Variants in SLC10A7 observed in about 807,000 individuals in gnomAD.
The protein encoded by SLC10A7 is solute carrier family 10 member 7.
Under a neutral mutation model 43.2 loss-of-function variants are expected in SLC10A7, and 29 were observed. That is an observed-to-expected ratio of 0.67 (90% CI 0.50 to 0.92). The LOEUF is 0.92. Ranked by LOEUF, SLC10A7 falls within the 40% of genes least tolerant of loss-of-function variation. The pLI is 0.00. For synonymous variants in SLC10A7, 152 were observed against 144.8 expected, an observed-to-expected ratio of 1.05 and a Z score of -0.35; for missense variants, 295 against 403.2, an observed-to-expected ratio of 0.73 and a Z score of 2.30.
chr4:146,329,475 T>C (rs2149711676), intron 5 of SLC10A7, among the ~76,000 whole-genome samples: 1 of 152,326 alleles, frequency 6.6e-6, no homozygotes, highest in South Asian at 2.1e-4. Context: ...TATTATTATA[T>C]TATCCCATCT....
chr4:146,319,514 C>G (rs1732551765), intron 6 of SLC10A7, among the ~76,000 whole-genome samples: 1 of 152,160 alleles, frequency 6.6e-6, no homozygotes. Flanking sequence ...TATATTTCTA[C>G]TTATCTGTTG....
At chr4:146,511,511 A>C (rs1737460231) in intron 2 of SLC10A7, among the ~76,000 whole-genome samples, 1 of 152,204 alleles carries the variant, frequency 6.6e-6, no homozygotes, top group Admixed American at 6.5e-5. Flanking sequence ...AGTTTAATCA[A>C]CAGTACGTTA....
intron 10 of SLC10A7, among the ~76,000 whole-genome samples, chr4:146,266,460 T>C (rs1020137458): frequency 6.7e-5 from 10 of 150,310 alleles, no homozygotes; most frequent in African/African-American, 2.5e-4. Context: ...CACACACACA[T>C]ACACACAGAC....
intron 5 of SLC10A7, among the ~76,000 whole-genome samples, chr4:146,368,674 A>C (rs996444400): frequency 5.3e-5 from 8 of 152,270 alleles, no homozygotes; most frequent in South Asian, 4.1e-4. Context: ...CTAGCTATTA[A>C]ATTGGCTTTG....
intron 5 of SLC10A7, among the ~76,000 whole-genome samples, chr4:146,415,671 C>T (rs778110912): frequency 1.5e-4 from 23 of 152,114 alleles, no homozygotes; most frequent in African/African-American, 5.1e-4. Flanking sequence ...CTATATGATG[C>T]TTTACATATA....
chr4:146,360,915 G>A (rs188820116), intron 5 of SLC10A7, among the ~76,000 whole-genome samples: 132 of 152,102 alleles, frequency 8.7e-4, no homozygotes, highest in African/African-American at 2.7e-3. Flanking sequence ...GTCACCCCCC[G>A]GCTCACCTAT....
chr4:146,454,622 C>T (rs1210512534), intron 4 of SLC10A7, among the ~76,000 whole-genome samples: 1 of 151,782 alleles, frequency 6.6e-6, no homozygotes, highest in Admixed American at 6.6e-5. Context: ...TTCCTTTGTG[C>T]TTCTCCTAGA....
chr4:146,514,917 T>G (rs1737807091), intron 2 of SLC10A7: 2 of 546,580 alleles, frequency 3.7e-6, no homozygotes, highest in Non-Finnish European at 6.5e-6. Flanking sequence ...TGTATTCTTT[T>G]GAAAAGGGCT....
chr4:146,274,517 A>AT (rs1223693400), intron 10 of SLC10A7, among the ~76,000 whole-genome samples: 1 of 152,076 alleles, frequency 6.6e-6, no homozygotes, highest in Non-Finnish European at 1.5e-5. Flanking sequence ...ATTATACCTT[A>AT]TATTAATAAA....
chr4:146,267,138 A>G (rs1359311262), intron 10 of SLC10A7, among the ~76,000 whole-genome samples: 3 of 152,192 alleles, frequency 2.0e-5, no homozygotes, highest in Non-Finnish European at 4.4e-5. Context: ...GCACTGTCGT[A>G]TGAAAAAAGA....
intron 10 of SLC10A7, among the ~76,000 whole-genome samples, chr4:146,271,206 C>T (rs998420760): frequency 1.3e-5 from 2 of 152,160 alleles, no homozygotes; most frequent in African/African-American, 4.8e-5. Context: ...CCAGACTCCA[C>T]TGGATGTCAA....
chr4:146,302,482 A>G (rs543090669), intron 7 of SLC10A7, among the ~76,000 whole-genome samples: 1 of 152,364 alleles, frequency 6.6e-6, no homozygotes, highest in South Asian at 2.1e-4. Flanking sequence ...AGCAAACTAA[A>G]CATAAGTATA....
chr4:146,309,168 T>A (rs1731786973), intron 6 of SLC10A7, among the ~76,000 whole-genome samples: 1 of 152,136 alleles, frequency 6.6e-6, no homozygotes, highest in Non-Finnish European at 1.5e-5. Flanking sequence ...AGGAATTCTT[T>A]CCAACACATC....
chr4:146,285,629 A>G (rs1339415893), intron 9 of SLC10A7, among the ~76,000 whole-genome samples: 2 of 152,190 alleles, frequency 1.3e-5, no homozygotes, highest in African/African-American at 4.8e-5. Context: ...AGGAAGAACC[A>G]AAGAGAAATT....
chr4:146,411,799 T>C (rs1193030615), intron 5 of SLC10A7, among the ~76,000 whole-genome samples: 2 of 152,188 alleles, frequency 1.3e-5, no homozygotes, highest in African/African-American at 2.4e-5. Context: ...TGTTTCTTGG[T>C]GTACTTTTTA....
At chr4:146,290,394 G>A (rs1342687039) in intron 9 of SLC10A7, among the ~76,000 whole-genome samples, 1 of 150,422 alleles carries the variant, frequency 6.6e-6, no homozygotes, top group Non-Finnish European at 1.5e-5. Context: ...AACAGAGAAT[G>A]AGGCTATGTG....
intron 4 of SLC10A7, among the ~76,000 whole-genome samples, chr4:146,474,438 G>C (rs1182842387): frequency 6.6e-6 from 1 of 152,116 alleles, no homozygotes; most frequent in Admixed American, 6.6e-5. Flanking sequence ...ATCAACAGCA[G>C]CCATGTGGTG....
chr4:146,284,641 G>A (rs1205734346), intron 9 of SLC10A7, among the ~76,000 whole-genome samples: 2 of 152,236 alleles, frequency 1.3e-5, no homozygotes, highest in East Asian at 1.9e-4. Flanking sequence ...CTTCAGTTGA[G>A]GATTCCCCAT....
intron 5 of SLC10A7, among the ~76,000 whole-genome samples, chr4:146,399,835 T>C (rs1275936417): frequency 6.6e-6 from 1 of 152,078 alleles, no homozygotes; most frequent in African/African-American, 2.4e-5. Context: ...ACTTTTTAGA[T>C]ATCTAGGATG....
Sources: allele counts gnomAD v4.1 joint callset (sites outside exome capture counted in the v4.1 genomes callset), GRCh38; gene constraint gnomAD v4.1.1; transcripts MANE v1.5; gene names NCBI Gene and HGNC (gene_info 2026-07-23, HGNC 2026-07-21).